COG5: variants seen among roughly 807,000 people sequenced by gnomAD.
The protein encoded by COG5 is conserved oligomeric Golgi complex subunit 5.
In COG5, 86 loss-of-function variants were observed where a neutral mutation model predicts 110.4. The ratio of observed to expected loss-of-function variants is 0.78; its 90% CI spans 0.65 to 0.93. The LOEUF (loss-of-function observed/expected upper bound fraction) is 0.93. Ranked by LOEUF, COG5 falls within the 40% of genes least tolerant of loss-of-function variation. The pLI, the probability that COG5 is intolerant of heterozygous loss-of-function variation, is 0.00. For missense variants in COG5, 1,077 were observed against 987.0 expected, an observed-to-expected ratio of 1.09 and a Z score of -1.22; for synonymous variants, 360 against 334.6, an observed-to-expected ratio of 1.08 and a Z score of -0.83.
intron 5 of COG5, among the ~76,000 whole-genome samples, chr7:107,541,496 CAAAAAAAAAAAAAAA>C (rs869244428): frequency 3.1e-5 from 1 of 31,964 alleles, no homozygotes. Flanking sequence ...GACCCTGTCT[CAAAAAAAAAAAAAAA>C]AAAAAAAAAA....
At chr7:107,390,264 G>C (rs1356739692) in intron 7 of COG5, among the ~76,000 whole-genome samples, 2 of 152,052 alleles carry the variant, frequency 1.3e-5, no homozygotes, top group African/African-American at 4.8e-5. Flanking sequence ...TTGCCTTGCT[G>C]TGGCATCTAT....
At chr7:107,269,446 G>A (rs1011686484) in intron 14 of COG5, among the ~76,000 whole-genome samples, 2 of 150,006 alleles carry the variant, frequency 1.3e-5, no homozygotes, top group Non-Finnish European at 2.9e-5. Context: ...CTGCACTCCA[G>A]CCTGGGCGAC....
At chr7:107,488,432 GCTTT>G (rs1184596147) in intron 6 of COG5, among the ~76,000 whole-genome samples, 1 of 152,044 alleles carries the variant, frequency 6.6e-6, no homozygotes, top group African/African-American at 2.4e-5. Flanking sequence ...CTTGTGTTTT[GCTTT>G]CTGTTATCTT....
chr7:107,499,961 G>T (rs567296256), intron 6 of COG5, among the ~76,000 whole-genome samples: 1 of 152,116 alleles, frequency 6.6e-6, no homozygotes, highest in South Asian at 2.1e-4. Flanking sequence ...ATTACGTAAA[G>T]GAATGAAACT....
chr7:107,471,112 A>T (rs1584866454), intron 6 of COG5, among the ~76,000 whole-genome samples: 1 of 152,062 alleles, frequency 6.6e-6, no homozygotes, highest in African/African-American at 2.4e-5. Flanking sequence ...AATTAGTTTT[A>T]AAAAATATAG....
At chr7:107,215,397 G>T (rs1310565996) in intron 19 of COG5, among the ~76,000 whole-genome samples, 1 of 152,148 alleles carries the variant, frequency 6.6e-6, no homozygotes, top group African/African-American at 2.4e-5. Context: ...GCTGGGTGTG[G>T]TGGCTCACGC....
At chr7:107,499,778 C>G (rs962404940) in intron 6 of COG5, among the ~76,000 whole-genome samples, 1 of 151,974 alleles carries the variant, frequency 6.6e-6, no homozygotes, top group Non-Finnish European at 1.5e-5. Flanking sequence ...TGCAAATAGG[C>G]GAATAGTGTA....
intron 6 of COG5, among the ~76,000 whole-genome samples, chr7:107,465,904 G>A (rs1280774826): frequency 6.6e-6 from 1 of 152,034 alleles, no homozygotes. Context: ...ATGTCCCCCA[G>A]CACAGCATAA....
chr7:107,550,537 A>C lies in COG5; in HGVS notation c.293-2205T>G, dbSNP rs184650413. 1.2e-3 allele frequency among the ~76,000 whole-genome samples: 189 copies of C among 152,206 alleles called. 2 individuals are homozygous for C. Among genetic ancestry groups the C allele is most frequent in the African/African-American group, 4.3e-3 (180 of 41,526 alleles). On this transcript the variant is annotated intron_variant, in intron 3 of 21. Transcript: ENST00000297135. ...TTCTGCCCCTCAAACATGCCAAATT[A>C]ATTCCTGCTTTCCCATTTATTGTTC...
At chr7:107,307,008 A>G (rs1317908670) in intron 11 of COG5, among the ~76,000 whole-genome samples, 1 of 152,210 alleles carries the variant, frequency 6.6e-6, no homozygotes, top group Non-Finnish European at 1.5e-5. Flanking sequence ...AGATGCCTGA[A>G]CATGCTCTCT....
chr7:107,403,799 T>C (rs1426191897), intron 7 of COG5, among the ~76,000 whole-genome samples: 1 of 152,114 alleles, frequency 6.6e-6, no homozygotes, highest in Non-Finnish European at 1.5e-5. Context: ...TTTTGGCGGT[T>C]AGGATTTCAA....
chr7:107,369,674 C>T (rs1486916933), intron 8 of COG5, among the ~76,000 whole-genome samples: 2 of 152,232 alleles, frequency 1.3e-5, no homozygotes, highest in Admixed American at 6.5e-5. Flanking sequence ...CAGGCATGAG[C>T]CAACACGCCG....
chr7:107,283,802 A>C, intron 12 of COG5, 70 bp from the exon 13 acceptor site: 1 of 1,127,612 alleles, frequency 8.9e-7, no homozygotes, highest in Non-Finnish European at 1.3e-6. Context: ...ATCAGGCTGT[A>C]AATACCTTTT....
intron 6 of COG5, among the ~76,000 whole-genome samples, chr7:107,487,649 T>C (rs1797726628): frequency 6.6e-6 from 1 of 151,872 alleles, no homozygotes; most frequent in Admixed American, 6.6e-5. Context: ...TTCTAAAATG[T>C]ATCATAAGGA....
At chr7:107,552,458 G>T (rs574511621) in intron 3 of COG5, among the ~76,000 whole-genome samples, 2 of 152,078 alleles carry the variant, frequency 1.3e-5, no homozygotes, top group Admixed American at 6.5e-5. Context: ...ATTAAAAAGT[G>T]GGCAAAAGAC....
intron 6 of COG5, among the ~76,000 whole-genome samples, chr7:107,511,065 A>G (rs1279308758): frequency 2.0e-4 from 30 of 148,752 alleles, no homozygotes; most frequent in African/African-American, 6.4e-4. Flanking sequence ...TGAAGGAAAT[A>G]GAGACACAAA....
chr7:107,520,883 G>C (rs758393029), intron 6 of COG5, among the ~76,000 whole-genome samples: 1 of 152,124 alleles, frequency 6.6e-6, no homozygotes, highest in Non-Finnish European at 1.5e-5. Context: ...CATGAGATCT[G>C]ACTTCAAACT....
chr7:107,560,443 T>G (rs571129326), intron 1 of COG5, among the ~76,000 whole-genome samples: 4 of 152,314 alleles, frequency 2.6e-5, no homozygotes, highest in African/African-American at 9.6e-5. Flanking sequence ...AATGGGTGAT[T>G]AGGTAGAACA....
chr7:107,258,426 T>C, intron 14 of COG5, 43 bp from the exon 15 acceptor site: 1 of 316,160 alleles, frequency 3.2e-6, no homozygotes. Context: ...GAATGATAAT[T>C]CTCTCTCTCT....
Sources: allele counts gnomAD v4.1 joint callset (sites outside exome capture counted in the v4.1 genomes callset), GRCh38; gene constraint gnomAD v4.1.1; transcripts MANE v1.5; gene names NCBI Gene and HGNC (gene_info 2026-07-23, HGNC 2026-07-21).